Variants in FRS2 observed in about 807,000 individuals in gnomAD.
The protein encoded by FRS2 is fibroblast growth factor receptor substrate 2, also known as FGFR signalling adaptor.
FRS2 carries 8 observed loss-of-function variants against 43.9 expected under a neutral mutation model. The observed-to-expected ratio is 0.18, with a 90% CI of 0.11 to 0.33. The LOEUF is 0.33. Among genes scored for constraint, FRS2 ranks in the 10% least tolerant of loss-of-function variants. The probability of loss-of-function intolerance (pLI) is 1.00; values close to 1 mark genes in which losing one functional copy is unlikely to be tolerated. For missense variants in FRS2, 534 were observed against 627.6 expected, an observed-to-expected ratio of 0.85 and a Z score of 1.59; for synonymous variants, 219 against 220.3, an observed-to-expected ratio of 0.99 and a Z score of 0.05.
chr12:69,529,290 C>T lies in FRS2; in HGVS notation c.-260-1575C>T, dbSNP rs571552562. On this transcript the variant is annotated intron_variant, in intron 1 of 8. Transcript: ENST00000549921. The stretch of plus-strand genomic sequence containing the variant: ...ATATGAATATCTTTTGAAACTGGAG[C>T]TCCTAGGATGAACACTACATGGGTA... 3.9e-5 allele frequency among the ~76,000 whole-genome samples: 6 copies of T among 152,146 alleles called. No homozygotes were observed. In the South Asian group the frequency reaches 1.2e-3, roughly 32 times the overall value.
At chr12:69,482,274 A>G (rs1232355890) in intron 1 of FRS2, among the ~76,000 whole-genome samples, 2 of 152,202 alleles carry the variant, frequency 1.3e-5, no homozygotes, top group Non-Finnish European at 2.9e-5. Flanking sequence ...ATACCAGATC[A>G]TTTCTTTTTA....
chr12:69,574,219 A>G lies in FRS2; in HGVS notation c.791A>G (p.Glu264Gly), dbSNP rs747402222. The G allele has an allele frequency of 7.2e-5, 117 of 1,614,152 alleles. 1 individual carries two copies. Among genetic ancestry groups the G allele is most frequent in the East Asian group, 6.7e-4 (30 of 44,884 alleles). Residue 264 changes from glutamate (E) to glycine (G), a missense_variant, in exon 9 of 9, where the codon GAA (glutamate) becomes GGA (glycine). Glu to Gly is a moderately conservative substitution (Grantham distance 98). Coordinates refer to ENST00000549921, the MANE Select transcript of FRS2 (RefSeq NM_001278356.2). The stretch of plus-strand genomic sequence containing the variant: ...ACCCCTGTTCAAAAGCAGTTAATGG[A>G]AAAAGAGAAACTGGAGCAACTTGGA... ...GPTPVQKQLM[E>G]KEKLEQLGRD...
intron 4 of FRS2, among the ~76,000 whole-genome samples, chr12:69,563,032 G>A (rs1003516026): frequency 1.3e-5 from 2 of 152,178 alleles, no homozygotes; most frequent in Non-Finnish European, 2.9e-5. Flanking sequence ...ACTTTTGTAT[G>A]TTGCTGTCTT....
chr12:69,519,752 T>C (rs938307423), intron 1 of FRS2, among the ~76,000 whole-genome samples: 7 of 152,264 alleles, frequency 4.6e-5, no homozygotes, highest in Admixed American at 2.6e-4. Context: ...TTCTTTTTTA[T>C]GACAGTTTAG....
intron 1 of FRS2, among the ~76,000 whole-genome samples, chr12:69,525,653 C>T (rs1332999125): frequency 1.3e-5 from 2 of 151,808 alleles, no homozygotes; most frequent in Non-Finnish European, 2.9e-5. Flanking sequence ...CTTTCCTCTC[C>T]TTTCCTTTCC....
chr12:69,478,060 C>T (rs562121547), intron 1 of FRS2, among the ~76,000 whole-genome samples: 2 of 152,126 alleles, frequency 1.3e-5, no homozygotes, highest in African/African-American at 4.8e-5. Flanking sequence ...TTTTTAAACC[C>T]TGTGTCTGAT....
intron 8 of FRS2, 99 bp from the exon 9 acceptor site, chr12:69,573,906 A>G: frequency 1.4e-6 from 1 of 727,398 alleles, no homozygotes; most frequent in Non-Finnish European, 2.3e-6. Context: ...AAGTTAATAC[A>G]GTTAACTGTT....
intron 3 of FRS2, among the ~76,000 whole-genome samples, chr12:69,538,853 C>T (rs1028471457): frequency 6.6e-6 from 1 of 152,002 alleles, no homozygotes; most frequent in South Asian, 2.1e-4. Context: ...ACTTCATAGT[C>T]GTAGTCTATT....
At chr12:69,524,157 G>T (rs143739727) in intron 1 of FRS2, among the ~76,000 whole-genome samples, 47 of 152,286 alleles carry the variant, frequency 3.1e-4, no homozygotes, top group African/African-American at 1.1e-3. Flanking sequence ...GTTTTGGGCA[G>T]GCAGCAGTGT....
At chr12:69,477,557 C>T (rs996505485) in intron 1 of FRS2, among the ~76,000 whole-genome samples, 1 of 151,466 alleles carries the variant, frequency 6.6e-6, no homozygotes, top group Non-Finnish European at 1.5e-5. Context: ...GCTGGGATTA[C>T]AGGCGTGAGC....
At chr12:69,504,250 A>G (rs111916733) in intron 1 of FRS2, among the ~76,000 whole-genome samples, 4,351 of 152,262 alleles carry the variant, frequency 0.029, 205 homozygotes, top group African/African-American at 0.099. Context: ...CTGTAATCCC[A>G]GCTATTCGGG....
chr12:69,555,226 G>A (rs1879235754), intron 3 of FRS2, among the ~76,000 whole-genome samples: 1 of 151,694 alleles, frequency 6.6e-6, no homozygotes, highest in African/African-American at 2.4e-5. Context: ...TGTATTTTTA[G>A]TAGAGATGGG....
chr12:69,538,130 T>C (rs965071814), intron 3 of FRS2: 4 of 150,332 alleles, frequency 2.7e-5, no homozygotes, highest in African/African-American at 4.9e-5. Flanking sequence ...AAGAGCCACC[T>C]TTCGTAGCTT....
At chr12:69,495,220 G>A (rs968166215) in intron 1 of FRS2, among the ~76,000 whole-genome samples, 12 of 152,152 alleles carry the variant, frequency 7.9e-5, no homozygotes, top group African/African-American at 2.9e-4. Flanking sequence ...CATACTCTTG[G>A]CCAAAAGTGA....
chr12:69,561,263 C>G (rs1400290886), intron 3 of FRS2, among the ~76,000 whole-genome samples: 4 of 152,128 alleles, frequency 2.6e-5, no homozygotes, highest in Non-Finnish European at 5.9e-5. Context: ...GAGTGTAAGC[C>G]AACACCTGGC....
chr12:69,572,057 A>T, intron 7 of FRS2, 61 bp from the exon 8 acceptor site: 1 of 1,282,984 alleles, frequency 7.8e-7, no homozygotes, highest in Non-Finnish European at 1.1e-6. Context: ...TTCGATTCTT[A>T]CTCATTTTTA....
chr12:69,502,108 G>A (rs1471557239), intron 1 of FRS2, among the ~76,000 whole-genome samples: 2 of 152,044 alleles, frequency 1.3e-5, no homozygotes, highest in Admixed American at 1.3e-4. Context: ...TGGGTTTATA[G>A]GCACCTGCCA....
rs1305894876 is a variant in FRS2 at position 69,516,219 on chromosome 12, C to T, written c.-260-14646C>T. Among the ~76,000 whole-genome samples the T allele has an allele frequency of 6.9e-5, 10 of 145,934 alleles. No homozygotes were observed. In the South Asian group the frequency reaches 1.3e-3, roughly 19 times the overall value. ...TAGATTATTATTATTATTATTATTACTATTTTTTTTTTTTTTGAGACGGAG... is the reference window on the plus strand; with the variant it reads ...TAGATTATTATTATTATTATTATTATTATTTTTTTTTTTTTTGAGACGGAG... On this transcript the variant is annotated intron_variant, in intron 1 of 8. Transcript: ENST00000549921.
intron 1 of FRS2, among the ~76,000 whole-genome samples, chr12:69,530,474 T>G (rs1876680592): frequency 6.6e-6 from 1 of 151,842 alleles, no homozygotes; most frequent in Admixed American, 6.6e-5. Flanking sequence ...CATGGTGGCT[T>G]ACACCTGTAA....
Sources: allele counts gnomAD v4.1 joint callset (sites outside exome capture counted in the v4.1 genomes callset), GRCh38; gene constraint gnomAD v4.1.1; transcripts MANE v1.5; gene names NCBI Gene and HGNC (gene_info 2026-07-23, HGNC 2026-07-21).